Variants in CACNA2D3 observed in about 807,000 individuals in gnomAD.
CACNA2D3 encodes calcium voltage-gated channel auxiliary subunit alpha2delta 3.
Under a neutral mutation model 160.6 loss-of-function variants are expected in CACNA2D3, and 60 were observed. The observed-to-expected ratio is 0.37, with a 90% confidence interval of 0.30 to 0.46. The LOEUF (loss-of-function observed/expected upper bound fraction) is 0.46. CACNA2D3 is among the 20% of genes least tolerant of loss of function. The probability of loss-of-function intolerance (pLI) is 1.00; values close to 1 mark genes in which losing one functional copy is unlikely to be tolerated. For missense variants in CACNA2D3, 1,205 were observed against 1,365.0 expected, an observed-to-expected ratio of 0.88 and a Z score of 1.85; for synonymous variants, 558 against 492.9, an observed-to-expected ratio of 1.13 and a Z score of -1.75.
intron 11 of CACNA2D3, among the ~76,000 whole-genome samples, chr3:54,671,677 G>A (rs1700165077): frequency 6.6e-6 from 1 of 152,080 alleles, no homozygotes; most frequent in African/African-American, 2.4e-5. Context: ...GGGATCTTTT[G>A]GGCTCTCTCC....
At chr3:54,799,612 T>G (rs1702939705) in intron 13 of CACNA2D3, among the ~76,000 whole-genome samples, 1 of 152,224 alleles carries the variant, frequency 6.6e-6, no homozygotes. Flanking sequence ...TCACTAATTT[T>G]CTTCTGAAGG....
At chr3:55,049,893 A>G (rs1704150117) in intron 35 of CACNA2D3, among the ~76,000 whole-genome samples, 1 of 150,862 alleles carries the variant, frequency 6.6e-6, no homozygotes, top group Non-Finnish European at 1.5e-5. Flanking sequence ...TTGTTGGTTT[A>G]AAGTCTGTTT....
In CACNA2D3 at chr3:54,581,887, G is replaced by C; in HGVS notation, c.963+10G>C. The C allele has an allele frequency of 1.9e-6, 3 of 1,611,480 alleles. No homozygotes were observed. ...CAGGACAAACAAAGAGGTAGGGGCA[G>C]CTCGGGGGAGCATTCCAGTCATGGT... On this transcript the variant is annotated intron_variant, in intron 9 of 37. Coordinates refer to ENST00000474759, the MANE Select transcript of CACNA2D3 (RefSeq NM_018398.3).
chr3:54,849,243 G>C (rs1699002463), intron 17 of CACNA2D3, among the ~76,000 whole-genome samples: 2 of 152,130 alleles, frequency 1.3e-5, no homozygotes, highest in East Asian at 3.9e-4. Context: ...TTGTTTTAAA[G>C]GTAGCAATAA....
At chr3:54,668,280 G>A (rs192642235) in intron 11 of CACNA2D3, among the ~76,000 whole-genome samples, 33 of 152,274 alleles carry the variant, frequency 2.2e-4, no homozygotes, top group African/African-American at 7.0e-4. Context: ...TCATTAGTGT[G>A]TCTGAGAGGG....
chr3:54,260,521 C>T (rs1349746764), intron 2 of CACNA2D3, among the ~76,000 whole-genome samples: 7 of 152,004 alleles, frequency 4.6e-5, no homozygotes, highest in Admixed American at 6.6e-5. Context: ...ATGAAGGTCC[C>T]GTCTTGATGA....
At chr3:54,540,409 T>A (rs1701953644) in intron 5 of CACNA2D3, among the ~76,000 whole-genome samples, 1 of 152,232 alleles carries the variant, frequency 6.6e-6, no homozygotes, top group South Asian at 2.1e-4. Flanking sequence ...TTTGCCGTTA[T>A]CTTCCCCAAG....
At chr3:54,533,909 C>T (rs1393664622) in intron 5 of CACNA2D3, among the ~76,000 whole-genome samples, 1 of 151,902 alleles carries the variant, frequency 6.6e-6, no homozygotes, top group African/African-American at 2.4e-5. Context: ...TACAGGTGTT[C>T]TTTGTGCTAT....
At chr3:54,542,190 T>C (rs1400531044) in intron 5 of CACNA2D3, among the ~76,000 whole-genome samples, 1 of 151,950 alleles carries the variant, frequency 6.6e-6, no homozygotes, top group African/African-American at 2.4e-5. Context: ...GCCTCCCGAG[T>C]AGCTGGGATT....
At chr3:54,932,724 G>A (rs943642445) in intron 27 of CACNA2D3, among the ~76,000 whole-genome samples, 1 of 152,104 alleles carries the variant, frequency 6.6e-6, no homozygotes, top group African/African-American at 2.4e-5. Flanking sequence ...CAATTGTAAG[G>A]TCTGCCTTGG....
At chr3:54,305,165 G>T (rs1559916358) in intron 2 of CACNA2D3, among the ~76,000 whole-genome samples, 1 of 152,170 alleles carries the variant, frequency 6.6e-6, no homozygotes, top group Non-Finnish European at 1.5e-5. Flanking sequence ...TATGAGACAA[G>T]ACAGTTATTA....
chr3:54,773,101 A>G (rs1309542090), intron 13 of CACNA2D3, among the ~76,000 whole-genome samples: 1 of 152,218 alleles, frequency 6.6e-6, no homozygotes, highest in African/African-American at 2.4e-5. Flanking sequence ...TTTCAAACCA[A>G]TTTAGTTGCA....
intron 35 of CACNA2D3, among the ~76,000 whole-genome samples, chr3:55,035,983 T>C (rs1703807614): frequency 6.6e-6 from 1 of 152,220 alleles, no homozygotes; most frequent in Admixed American, 6.5e-5. Flanking sequence ...GAATTCTCCA[T>C]GCCCCTTTGC....
At chr3:54,780,552 T>A (rs116136503) in intron 13 of CACNA2D3, among the ~76,000 whole-genome samples, 1 of 152,188 alleles carries the variant, frequency 6.6e-6, no homozygotes. Flanking sequence ...CCAGAGAAAT[T>A]TGATACTGGG....
At chr3:55,057,305 A>G (rs1014821532) in intron 35 of CACNA2D3, among the ~76,000 whole-genome samples, 2 of 152,198 alleles carry the variant, frequency 1.3e-5, no homozygotes, top group African/African-American at 4.8e-5. Context: ...TATGTAAACA[A>G]TCTTAATCAT....
chr3:54,531,690 T>A (rs1198693501), intron 5 of CACNA2D3, among the ~76,000 whole-genome samples: 1 of 152,210 alleles, frequency 6.6e-6, no homozygotes, highest in East Asian at 1.9e-4. Flanking sequence ...TCGGAAGTCA[T>A]CATTCCAAGT....
At position 54,414,860 on chromosome 3, in the gene CACNA2D3, T is replaced by G. The variant is rs187682610; in HGVS notation, c.381+28086T>G. ...AGAGCCTGGGGATATTTATTTTAAA[T>G]AAATAGTTGTTTCAAACACATTTGT... On this transcript the variant is annotated intron_variant, in intron 4 of 37. Transcript: ENST00000474759. Among the ~76,000 whole-genome samples, 385 of 151,810 alleles carry G rather than the reference T, an allele frequency of 2.5e-3. 1 individual carries two copies. Among genetic ancestry groups the G allele is most frequent in the Non-Finnish European group, 4.3e-3 (292 of 67,888 alleles).
chr3:54,164,148 CAG>C (rs1334402812), intron 2 of CACNA2D3, among the ~76,000 whole-genome samples: 3 of 152,198 alleles, frequency 2.0e-5, no homozygotes, highest in Non-Finnish European at 2.9e-5. Flanking sequence ...CAAAGACTCT[CAG>C]GGGAGGAGGA....
chr3:54,783,279 A>G (rs1389598000), intron 13 of CACNA2D3, among the ~76,000 whole-genome samples: 4 of 152,132 alleles, frequency 2.6e-5, no homozygotes, highest in Admixed American at 6.5e-5. Flanking sequence ...ACTGAATTAA[A>G]AAAAACCCAT....
Sources: allele counts gnomAD v4.1 joint callset (sites outside exome capture counted in the v4.1 genomes callset), GRCh38; gene constraint gnomAD v4.1.1; transcripts MANE v1.5; gene names NCBI Gene and HGNC (gene_info 2026-07-23, HGNC 2026-07-21).